The following DISP1 variants were observed in gnomAD, a reference collection of about 807,000 sequenced individuals.
DISP1 encodes protein dispatched homolog 1.
In DISP1, 30 loss-of-function variants were observed where a neutral mutation model predicts 37.3. The ratio of observed to expected loss-of-function variants is 0.80; its 90% CI spans 0.60 to 1.09. The LOEUF (loss-of-function observed/expected upper bound fraction) is 1.09. Ranked by LOEUF, DISP1 falls within the 50% of genes least tolerant of loss-of-function variation. The probability of loss-of-function intolerance (pLI) is 0.00; values close to 1 mark genes in which losing one functional copy is unlikely to be tolerated. For missense variants in DISP1, 1,598 were observed against 1,879.5 expected, an observed-to-expected ratio of 0.85 and a Z score of 2.77; for synonymous variants, 634 against 690.2, an observed-to-expected ratio of 0.92 and a Z score of 1.28.
At position 223,004,419 on chromosome 1, in the gene DISP1, A is replaced by G. The variant is rs924869801; in HGVS notation, c.3022A>G (p.Ile1008Val). Residue 1008 changes from isoleucine to valine, a missense_variant, in exon 9 of 9, where the codon ATA becomes GTA. By Grantham distance (29) the Ile-to-Val change is conservative. Transcript: ENST00000675850. This position sits in a 1 kb window ranked among gnomAD's most constrained non-coding sequence, Gnocchi z 4.9. ...VMLLTTWNIIISLYAIISIAG... is the reference protein window; with the variant it reads ...VMLLTTWNIIVSLYAIISIAG... ...GCTGCTGACAACTTGGAACATCATCATAAGCCTTTATGCCATCATTTCAAT... is the reference window on the plus strand; with the variant it reads ...GCTGCTGACAACTTGGAACATCATCGTAAGCCTTTATGCCATCATTTCAAT... 6 of 1,614,068 alleles carry G rather than the reference A, an allele frequency of 3.7e-6. No individual in the cohort carries two copies. The highest frequency in any genetic ancestry group is 5.1e-6 in the Non-Finnish European group (6 of 1,180,048).
intron 4 of DISP1, among the ~76,000 whole-genome samples, chr1:222,987,805 G>A (rs1334930942): frequency 6.6e-6 from 1 of 152,152 alleles, no homozygotes; most frequent in Admixed American, 6.5e-5. Context: ...AAAATAAAGT[G>A]TAATGAATAA....
chr1:222,858,881 G>A (rs894558842), intron 1 of DISP1, among the ~76,000 whole-genome samples: 4 of 152,188 alleles, frequency 2.6e-5, no homozygotes, highest in African/African-American at 7.2e-5. Flanking sequence ...TACACTGTTG[G>A]TGGGAATGTA....
intron 1 of DISP1, among the ~76,000 whole-genome samples, chr1:222,869,438 TGTGTGTGTTATAGTC>T (rs1669392041): frequency 6.6e-6 from 1 of 152,138 alleles, no homozygotes; most frequent in South Asian, 2.1e-4. Flanking sequence ...TCAATTTAGG[TGTGTGTGTTATAGTC>T]AACTGCTCTT....
At chr1:223,002,175 T>G (rs1679503046) in intron 8 of DISP1, among the ~76,000 whole-genome samples, 1 of 152,180 alleles carries the variant, frequency 6.6e-6, no homozygotes, top group African/African-American at 2.4e-5. Context: ...TAATTCAGAA[T>G]AAAGTAACCT....
chr1:222,893,360 C>A lies in DISP1; in HGVS notation c.-158-35070C>A, dbSNP rs1436849361. Among the ~76,000 whole-genome samples the A allele has an allele frequency of 6.6e-6, 1 of 152,216 alleles. No homozygotes were observed. Among genetic ancestry groups the A allele is most frequent in the East Asian group, 1.9e-4 (1 of 5,190 alleles). On this transcript the variant is annotated intron_variant, in intron 1 of 8. Coordinates refer to ENST00000675850, the MANE Select transcript of DISP1 (RefSeq NM_001377229.1). The surrounding 1 kb of genome is among the most constrained non-coding windows in gnomAD (Gnocchi z 4.3). Reference sequence around the variant, plus strand: ...CTGGAAACCTCTGTAGCTGGCGGAGCCTTCTTCCTGAGCACTGCTTGTGCC... The same window carrying A: ...CTGGAAACCTCTGTAGCTGGCGGAGACTTCTTCCTGAGCACTGCTTGTGCC...
At chr1:222,874,859 T>C (rs1405444722) in intron 1 of DISP1, among the ~76,000 whole-genome samples, 1 of 152,206 alleles carries the variant, frequency 6.6e-6, no homozygotes, top group Non-Finnish European at 1.5e-5. Context: ...TTCCTGTTTT[T>C]CTCCTCTGTT....
At chr1:222,987,832 C>G (rs1312373653) in intron 4 of DISP1, among the ~76,000 whole-genome samples, 1 of 152,048 alleles carries the variant, frequency 6.6e-6, no homozygotes, top group Non-Finnish European at 1.5e-5. Context: ...AAGCCTGGGG[C>G]CATTTTCATT....
intron 1 of DISP1, among the ~76,000 whole-genome samples, chr1:222,844,393 G>T (rs1247768367): frequency 1.3e-5 from 2 of 152,108 alleles, no homozygotes; most frequent in African/African-American, 4.8e-5. Context: ...ACTTATGCTT[G>T]ATTGTACGCT....
chr1:222,874,172 G>A (rs1275333375), intron 1 of DISP1, among the ~76,000 whole-genome samples: 1 of 152,152 alleles, frequency 6.6e-6, no homozygotes, highest in Admixed American at 6.5e-5. Flanking sequence ...TTCCCTTTGT[G>A]GGTAACCTGA....
chr1:222,926,977 C>A (rs1018038229), intron 1 of DISP1, among the ~76,000 whole-genome samples: 1 of 151,972 alleles, frequency 6.6e-6, no homozygotes, highest in Non-Finnish European at 1.5e-5. Flanking sequence ...TTGGGGGTTA[C>A]AAATAATTTA....
chr1:222,930,481 T>C (rs556389314), intron 2 of DISP1, among the ~76,000 whole-genome samples: 15 of 152,190 alleles, frequency 9.9e-5, no homozygotes, highest in African/African-American at 3.4e-4. Flanking sequence ...CTTTTTGTTC[T>C]CTCCATCTTA....
intron 1 of DISP1, among the ~76,000 whole-genome samples, chr1:222,864,177 C>T (rs1358623449): frequency 1.3e-5 from 2 of 152,226 alleles, no homozygotes; most frequent in Non-Finnish European, 2.9e-5. Flanking sequence ...TCTAGTTTCT[C>T]TCCATATTCA....
At chr1:222,890,623 T>C (rs1184962142) in intron 1 of DISP1, among the ~76,000 whole-genome samples, 3 of 152,138 alleles carry the variant, frequency 2.0e-5, no homozygotes, top group Non-Finnish European at 4.4e-5. Context: ...CAACTAGGTG[T>C]TAGTTTTCTA....
At chr1:222,959,420 G>T (rs949156844) in intron 3 of DISP1, among the ~76,000 whole-genome samples, 4 of 151,978 alleles carry the variant, frequency 2.6e-5, no homozygotes, top group Non-Finnish European at 4.4e-5. Context: ...ATTACTGTTG[G>T]CTGGGCACGG....
intron 1 of DISP1, among the ~76,000 whole-genome samples, chr1:222,858,838 GC>G (rs1176655792): frequency 6.6e-6 from 1 of 152,222 alleles, no homozygotes; most frequent in Non-Finnish European, 1.5e-5. Flanking sequence ...AACAACAGAT[GC>G]TGGCGAGGTT....
chr1:222,867,767 C>T (rs1396297718), intron 1 of DISP1, among the ~76,000 whole-genome samples: 1 of 152,118 alleles, frequency 6.6e-6, no homozygotes, highest in African/African-American at 2.4e-5. Flanking sequence ...TAATTGACTT[C>T]TAACTGCCAT....
chr1:222,928,556 T>C lies in DISP1; in HGVS notation c.-32T>C, dbSNP rs971898480. The C allele has an allele frequency of 7.2e-5, 11 of 152,248 alleles. No individual in the cohort carries two copies. The highest frequency in any genetic ancestry group is 1.9e-4 in the African/African-American group (8 of 41,456). 9.4% of individuals were successfully genotyped at this position (152,248 alleles called of 1,614,324 possible). ...ACCAAACTGAGCCAGAGAAGTTCCCTCTTTTAACATAAAGGTAATACATTT... is the reference window on the plus strand; with the variant it reads ...ACCAAACTGAGCCAGAGAAGTTCCCCCTTTTAACATAAAGGTAATACATTT... On this transcript the variant is annotated 5_prime_UTR_variant, in exon 2 of 9. Transcript: ENST00000675850.
intron 1 of DISP1, among the ~76,000 whole-genome samples, chr1:222,841,667 G>A (rs970100108): frequency 3.3e-5 from 5 of 152,002 alleles, no homozygotes; most frequent in Non-Finnish European, 7.4e-5. Flanking sequence ...AATATTCACT[G>A]TACTTGTCTT....
chr1:222,997,722 G>A (rs556213249), intron 8 of DISP1, among the ~76,000 whole-genome samples: 2 of 152,256 alleles, frequency 1.3e-5, no homozygotes, highest in South Asian at 4.1e-4. Flanking sequence ...GTAATCCCTG[G>A]CAAGAACAGT....
Sources: gnomAD v4.1 joint callset for allele counts (sites outside exome capture counted in the v4.1 genomes callset) on GRCh38, gnomAD v4.1.1 for gene constraint, Gnocchi (gnomAD v3.1) non-coding constraint, MANE v1.5 for transcripts, NCBI Gene and HGNC (gene_info 2026-07-23, HGNC 2026-07-21) for gene names.